The following LIPA variants were observed in gnomAD, a reference collection of about 807,000 sequenced individuals.
LIPA encodes lysosomal acid lipase/cholesteryl ester hydrolase.
A neutral mutation model predicts 40.6 loss-of-function variants in LIPA; 26 were observed. That is an observed-to-expected ratio of 0.64 (90% CI 0.47 to 0.89). The LOEUF (loss-of-function observed/expected upper bound fraction) is 0.89, where lower values mean the gene tolerates loss of function less well. Among genes scored for constraint, LIPA ranks in the 40% least tolerant of loss-of-function variants. The pLI, the probability that LIPA is intolerant of heterozygous loss-of-function variation, is 0.00. For missense variants in LIPA, 455 were observed against 479.6 expected (o/e 0.95, Z 0.48); for synonymous variants, 188 against 168.4 (o/e 1.12, Z -0.90).
chr10:89,375,163 C>T (rs1161688721), intron 2 of LIPA, among the ~76,000 whole-genome samples: 5 of 152,228 alleles, frequency 3.3e-5, no homozygotes, highest in Admixed American at 2.6e-4. Context: ...CACTTCATCT[C>T]AACATAACCC....
At chr10:89,392,507 T>C in intron 2 of LIPA, 1 of 172,072 alleles carries the variant, frequency 5.8e-6, no homozygotes, top group Non-Finnish European at 1.2e-5. Flanking sequence ...CTAGCTTTAG[T>C]TTCACTTTCC....
At chr10:89,260,885 A>G (rs949512657) in intron 1 of LIPA, among the ~76,000 whole-genome samples, 2 of 152,184 alleles carry the variant, frequency 1.3e-5, no homozygotes, top group Admixed American at 1.3e-4. Flanking sequence ...AGGACGCTCC[A>G]GGCTTTGACC....
At chr10:89,348,358 T>G (rs934713473) in intron 2 of LIPA, among the ~76,000 whole-genome samples, 4 of 152,224 alleles carry the variant, frequency 2.6e-5, no homozygotes, top group African/African-American at 9.6e-5. Context: ...ATCATATATT[T>G]TTGTTCAGTT....
chr10:89,235,570 G>A (rs537397402), intron 3 of LIPA, among the ~76,000 whole-genome samples: 19 of 152,334 alleles, frequency 1.2e-4, no homozygotes, highest in African/African-American at 3.8e-4. Flanking sequence ...CCACAGTCCC[G>A]CAGGAGGAAG....
chr10:89,237,794 T>C (rs532889700), intron 3 of LIPA, among the ~76,000 whole-genome samples: 1 of 152,324 alleles, frequency 6.6e-6, no homozygotes, highest in Non-Finnish European at 1.5e-5. Flanking sequence ...TATAGGAAAA[T>C]GCCTCTGGCC....
At chr10:89,306,708 G>C in intron 1 of LIPA, 1 of 1,614,082 alleles carries the variant, frequency 6.2e-7, no homozygotes, top group Non-Finnish European at 8.5e-7. Context: ...GATGTTCTTC[G>C]CAGTGCAGCC....
chr10:89,411,922 T>C (rs304443), intron 2 of LIPA, among the ~76,000 whole-genome samples: 90,388 of 152,132 alleles, frequency 0.59, 27,896 homozygotes, highest in East Asian at 0.84. Context: ...CTGTTACTTG[T>C]CTTTGGGCCC....
At chr10:89,269,637 T>C (rs1296497386) in intron 1 of LIPA, among the ~76,000 whole-genome samples, 1 of 152,232 alleles carries the variant, frequency 6.6e-6, no homozygotes, top group Non-Finnish European at 1.5e-5. Flanking sequence ...CTGAAGCTTA[T>C]ATGTTCCTCT....
chr10:89,303,244 T>A (rs774907799), intron 1 of LIPA, among the ~76,000 whole-genome samples: 1 of 152,194 alleles, frequency 6.6e-6, no homozygotes, highest in Non-Finnish European at 1.5e-5. Flanking sequence ...TGAGCATGCA[T>A]AAAAATTGCC....
chr10:89,400,915 T>C (rs1844411977), intron 2 of LIPA, among the ~76,000 whole-genome samples: 1 of 152,148 alleles, frequency 6.6e-6, no homozygotes, highest in Non-Finnish European at 1.5e-5. Context: ...ATGGCTTTAA[T>C]TGTGCTGAGA....
At chr10:89,338,751 G>A in intron 1 of LIPA, 1 of 1,613,950 alleles carries the variant, frequency 6.2e-7, no homozygotes, top group African/African-American at 1.3e-5. Context: ...GTGTCTCAAG[G>A]GATCTAGAAG....
upstream of LIPA, among the ~76,000 whole-genome samples, chr10:89,253,554 G>A (rs1843162372): frequency 6.6e-6 from 1 of 152,174 alleles, no homozygotes; most frequent in African/African-American, 2.4e-5. Flanking sequence ...AGATTTGGGT[G>A]GGGACACAGC....
chr10:89,403,597 G>C, intron 2 of LIPA: 1 of 1,614,052 alleles, frequency 6.2e-7, no homozygotes, highest in Non-Finnish European at 8.5e-7. Context: ...GAAAGCTTGA[G>C]CCTCCTTGGG....
At chr10:89,323,741 T>A (rs1301803910) in intron 1 of LIPA, among the ~76,000 whole-genome samples, 2 of 151,936 alleles carry the variant, frequency 1.3e-5, no homozygotes, top group Non-Finnish European at 2.9e-5. Context: ...AGGTGAAAGA[T>A]CTCTACAATG....
intron 2 of LIPA, among the ~76,000 whole-genome samples, chr10:89,393,741 A>G (rs1443459225): frequency 6.6e-6 from 1 of 152,134 alleles, no homozygotes; most frequent in Non-Finnish European, 1.5e-5. Flanking sequence ...AAAACAAACA[A>G]ACAAACAAAA....
intron 1 of LIPA, among the ~76,000 whole-genome samples, chr10:89,261,479 G>A (rs932965200): frequency 4.6e-5 from 7 of 151,936 alleles, no homozygotes; most frequent in Non-Finnish European, 7.4e-5. Flanking sequence ...CACTCCAGCC[G>A]GGGTGACAGA....
At chr10:89,235,494 T>A (rs1261719807) in intron 3 of LIPA, among the ~76,000 whole-genome samples, 1 of 152,252 alleles carries the variant, frequency 6.6e-6, no homozygotes, top group Non-Finnish European at 1.5e-5. Context: ...ACGACAACGC[T>A]GCCTTCCCAG....
At chr10:89,280,760 G>A (rs1027731012) in intron 1 of LIPA, among the ~76,000 whole-genome samples, 4 of 152,128 alleles carry the variant, frequency 2.6e-5, no homozygotes, top group Non-Finnish European at 5.9e-5. Flanking sequence ...CTTCTTCCTC[G>A]TTATTATTCC....
At chr10:89,271,158 A>G (rs570763889) in intron 1 of LIPA, among the ~76,000 whole-genome samples, 1 of 152,328 alleles carries the variant, frequency 6.6e-6, no homozygotes, top group South Asian at 2.1e-4. Flanking sequence ...GGGGAGTTCC[A>G]TGTGACCAGT....
Sources: allele counts gnomAD v4.1 joint callset (sites outside exome capture counted in the v4.1 genomes callset), GRCh38; gene constraint gnomAD v4.1.1; transcripts MANE v1.5; gene names NCBI Gene and HGNC (gene_info 2026-07-23, HGNC 2026-07-21).